Variants in TLL2 observed in about 807,000 individuals in gnomAD.
TLL2 encodes tolloid-like protein 2.
A neutral mutation model predicts 123.0 loss-of-function variants in TLL2; 106 were observed. That is an observed-to-expected ratio of 0.86 (90% CI 0.74 to 1.01). The LOEUF (loss-of-function observed/expected upper bound fraction) is 1.01. Ranked by LOEUF, TLL2 falls within the 50% of genes least tolerant of loss-of-function variation. TLL2 has a pLI of 0.00. For missense variants in TLL2, 1,332 were observed against 1,336.7 expected (o/e 1.00, Z 0.06); for synonymous variants, 494 against 516.8 (o/e 0.96, Z 0.60).
Position 96,432,964 on chromosome 10 carries a change from T to G in TLL2, c.365-2A>C. On this transcript the variant is annotated splice_acceptor_variant, in intron 3 of 20. Coordinates refer to ENST00000357947, the MANE Select transcript of TLL2 (RefSeq NM_012465.4). LOFTEE classifies it high-confidence loss of function. ...GGAGTGTGGTATTCTCCCGGCCATC[T>G]GCAACACAGTCAGGTTAATATTGAT... 2 of 1,612,628 alleles carry G rather than the reference T, an allele frequency of 1.2e-6. No homozygotes were observed. Among genetic ancestry groups the G allele is most frequent in the East Asian group, 2.2e-5 (1 of 44,870 alleles).
intron 7 of TLL2, among the ~76,000 whole-genome samples, chr10:96,420,540 T>G (rs1846609536): frequency 6.6e-6 from 1 of 152,220 alleles, no homozygotes; most frequent in African/African-American, 2.4e-5. Flanking sequence ...ATCGATGATT[T>G]ACAGCCCTCC....
At chr10:96,435,343 T>A (rs1252659906) in intron 3 of TLL2, among the ~76,000 whole-genome samples, 1 of 152,218 alleles carries the variant, frequency 6.6e-6, no homozygotes, top group Non-Finnish European at 1.5e-5. Flanking sequence ...TTATAATTAG[T>A]CTTTATATAT....
chr10:96,407,827 G>A (rs770477804), intron 9 of TLL2, among the ~76,000 whole-genome samples: 17 of 152,176 alleles, frequency 1.1e-4, no homozygotes, highest in Non-Finnish European at 2.1e-4. Flanking sequence ...GCGCGCACGC[G>A]TGGGTGCATG....
chr10:96,449,012 T>G (rs1846927679), intron 2 of TLL2, among the ~76,000 whole-genome samples: 1 of 152,194 alleles, frequency 6.6e-6, no homozygotes, highest in South Asian at 2.1e-4. Context: ...GGAGACCAAG[T>G]GCCCCCCAGT....
Position 96,373,811 on chromosome 10 carries a change from TG to T in TLL2, c.2449-3del. On this transcript the variant is annotated splice_region_variant and splice_polypyrimidine_tract_variant and intron_variant, in intron 18 of 20. Transcript: ENST00000357947. The stretch of plus-strand genomic sequence containing the variant: ...CTCGATCTCAAACTCATTAAAGGTC[TG>T]GGGACAGAAGAGCAGAAAGTAAGGC... 1 of 1,612,996 alleles carries T rather than the reference TG, an allele frequency of 6.2e-7. No homozygotes were observed.
At chr10:96,460,534 G>A (rs1847071013) in intron 2 of TLL2, among the ~76,000 whole-genome samples, 1 of 152,140 alleles carries the variant, frequency 6.6e-6, no homozygotes, top group South Asian at 2.1e-4. Flanking sequence ...GGATCATGGG[G>A]GCAGACTTCC....
intron 1 of TLL2, among the ~76,000 whole-genome samples, chr10:96,487,096 T>C (rs547702291): frequency 5.9e-4 from 90 of 152,364 alleles, no homozygotes; most frequent in Admixed American, 1.8e-3. Flanking sequence ...CCAATCCCAG[T>C]GCCATCACTG....
chr10:96,376,633 A>C, intron 18 of TLL2, 59 bp downstream of exon 18: 1 of 1,581,064 alleles, frequency 6.3e-7, no homozygotes, highest in Admixed American at 1.8e-5. Context: ...CAGAGACTCA[A>C]ACGCACATCT....
intron 15 of TLL2, among the ~76,000 whole-genome samples, 164 bp from the exon 16 acceptor site, chr10:96,384,931 A>G (rs994890974): frequency 1.3e-5 from 2 of 152,196 alleles, no homozygotes; most frequent in Non-Finnish European, 1.5e-5. Context: ...TCCAGAGGGC[A>G]CAGGGGGACC....
chr10:96,432,699 G>T, intron 4 of TLL2, 108 bp downstream of exon 4: 1 of 1,410,250 alleles, frequency 7.1e-7, no homozygotes, highest in Non-Finnish European at 9.7e-7. Context: ...GCCTGCTGTG[G>T]TCCCTAACAT....
At chr10:96,371,510 G>A (rs1251114357) in intron 19 of TLL2, among the ~76,000 whole-genome samples, 2 of 152,176 alleles carry the variant, frequency 1.3e-5, no homozygotes. Context: ...CCTAGGCCCC[G>A]CTGGAGCTCC....
intron 16 of TLL2, among the ~76,000 whole-genome samples, chr10:96,381,671 C>T (rs1436416971): frequency 6.6e-6 from 1 of 152,214 alleles, no homozygotes; most frequent in Non-Finnish European, 1.5e-5. Flanking sequence ...TGCACCAGCC[C>T]ACCCCACAGT....
intron 7 of TLL2, among the ~76,000 whole-genome samples, chr10:96,415,450 T>C (rs1054539249): frequency 1.4e-4 from 22 of 151,980 alleles, no homozygotes; most frequent in African/African-American, 5.3e-4. Flanking sequence ...ATCATTTGTG[T>C]AGTCTCTTCT....
chr10:96,501,335 C>T (rs1322409362), intron 1 of TLL2, among the ~76,000 whole-genome samples: 5 of 152,162 alleles, frequency 3.3e-5, no homozygotes, highest in Admixed American at 2.6e-4. Flanking sequence ...CAGCTCCGGA[C>T]CCCTCCCACC....
rs572079097 is a variant in TLL2 at position 96,466,634 on chromosome 10, A to C, written c.286+13715T>G. On this transcript the variant is annotated intron_variant, in intron 2 of 20. Coordinates refer to ENST00000357947, the MANE Select transcript of TLL2 (RefSeq NM_012465.4). Reference sequence around the variant, plus strand: ...CCACTGCTGTCTGTTGTTTTCTAAGAAGGGATAAAGGAAGCTCACAGCCAC... The same window carrying C: ...CCACTGCTGTCTGTTGTTTTCTAAGCAGGGATAAAGGAAGCTCACAGCCAC... 1.1e-4 allele frequency among the ~76,000 whole-genome samples: 16 copies of C among 152,262 alleles called. No individual in the cohort carries two copies. In the South Asian group the frequency reaches 3.3e-3, roughly 32 times the overall value.
intron 10 of TLL2, among the ~76,000 whole-genome samples, chr10:96,403,063 C>T (rs758566028): frequency 1.3e-5 from 2 of 152,178 alleles, no homozygotes; most frequent in Non-Finnish European, 2.9e-5. Context: ...CAAGCCAGAG[C>T]CCACCCTACA....
At chr10:96,415,749 C>CTCTG (rs1554934650) in intron 7 of TLL2, among the ~76,000 whole-genome samples, 2 of 103,056 alleles carry the variant, frequency 1.9e-5, no homozygotes, top group African/African-American at 4.2e-5. Context: ...GTCTCTCTCT[C>CTCTG]TCTCTCTCTC....
At chr10:96,401,162 G>T (rs1846389027) in intron 10 of TLL2, among the ~76,000 whole-genome samples, 1 of 152,184 alleles carries the variant, frequency 6.6e-6, no homozygotes, top group South Asian at 2.1e-4. Context: ...GCTCCATGGG[G>T]AGTCATAAAG....
At chr10:96,414,959 CT>C (rs1846539824) in intron 7 of TLL2, among the ~76,000 whole-genome samples, 1 of 152,182 alleles carries the variant, frequency 6.6e-6, no homozygotes, top group South Asian at 2.1e-4. Context: ...TTCTTGAACT[CT>C]TTCCAGTAGC....
Sources: gnomAD v4.1 joint callset for allele counts (sites outside exome capture counted in the v4.1 genomes callset) on GRCh38, gnomAD v4.1.1 for gene constraint, MANE v1.5 for transcripts, NCBI Gene and HGNC (gene_info 2026-07-23, HGNC 2026-07-21) for gene names.